The following NSD2 variants were observed in gnomAD, a reference collection of about 807,000 sequenced individuals.
NSD2 encodes nuclear receptor binding SET domain protein 2.
In NSD2, 12 loss-of-function variants were observed where a neutral mutation model predicts 139.0. That is an observed-to-expected ratio of 0.09 (90% CI 0.06 to 0.14). NSD2 has a LOEUF of 0.14. Among genes scored for constraint, NSD2 ranks in the 10% least tolerant of loss-of-function variants. The pLI, the probability that NSD2 is intolerant of heterozygous loss-of-function variation, is 1.00. For missense variants in NSD2, 1,155 were observed against 1,745.0 expected (o/e 0.66, Z 6.02); for synonymous variants, 669 against 648.7 (o/e 1.03, Z -0.48).
At chr4:1,888,971 C>T (rs1306922698) in intron 1 of NSD2, among the ~76,000 whole-genome samples, 2 of 150,170 alleles carry the variant, frequency 1.3e-5, no homozygotes, top group Non-Finnish European at 3.0e-5. Context: ...GATCTCGGCT[C>T]ACTTGAACCT....
Position 1,980,092 on chromosome 4 carries a change from G to C in NSD2, c.*1183G>C, listed in dbSNP as rs1485330535. ...GCCAGGGCACCTACTGAGAGGTGCG[G>C]TCCTGGGGGTGGAGGCCTGCCTGGC... On this transcript the variant is annotated 3_prime_UTR_variant, in exon 22 of 22. Transcript: ENST00000508803. The C allele has an allele frequency of 4.3e-6, 1 of 233,346 alleles. No individual in the cohort carries two copies. The highest frequency in any genetic ancestry group is 8.5e-6 in the Non-Finnish European group (1 of 118,182). 14.5% of individuals were successfully genotyped at this position (233,346 alleles called of 1,614,324 possible).
intron 1 of NSD2, among the ~76,000 whole-genome samples, chr4:1,895,659 G>A (rs1268253805): frequency 6.6e-6 from 1 of 152,182 alleles, no homozygotes; most frequent in Non-Finnish European, 1.5e-5. Flanking sequence ...CTGCTGGTGG[G>A]AGGCTGTGTT....
chr4:1,939,528 C>G (rs1376174007), intron 8 of NSD2, 126 bp from the exon 9 acceptor site: 1 of 997,550 alleles, frequency 1.0e-6, no homozygotes, highest in Admixed American at 2.4e-5. Flanking sequence ...GAAAGTTAAG[C>G]CAGAAGGACA....
At chr4:1,874,821 G>T (rs753165840) in intron 1 of NSD2, among the ~76,000 whole-genome samples, 4 of 152,162 alleles carry the variant, frequency 2.6e-5, no homozygotes, top group Non-Finnish European at 5.9e-5. Context: ...GGCTTTAGAG[G>T]ATTAGGCTTG....
intron 10 of NSD2, 200 bp from the exon 11 acceptor site, chr4:1,951,908 A>G: frequency 2.6e-6 from 2 of 782,072 alleles, no homozygotes; most frequent in East Asian, 2.9e-5. Flanking sequence ...TCTTTCTGTA[A>G]CAGTCATCTG....
chr4:1,954,772 T>G (rs1724629194), intron 12 of NSD2: 1 of 171,208 alleles, frequency 5.8e-6, no homozygotes, highest in African/African-American at 2.4e-5. Context: ...CTGTACTTCT[T>G]GACACCAGTG....
At chr4:1,924,250 G>C (rs578087260) in intron 5 of NSD2, among the ~76,000 whole-genome samples, 1 of 152,158 alleles carries the variant, frequency 6.6e-6, no homozygotes, top group Non-Finnish European at 1.5e-5. Flanking sequence ...GTTGGGGGAG[G>C]GTGCAGTGGC....
rs1717052572 is a variant in NSD2, at chr4:1,900,778, C to T, written c.124C>T (p.Arg42Cys). 4 of 1,613,974 alleles carry T rather than the reference C, an allele frequency of 2.5e-6. No individual in the cohort carries two copies. Among genetic ancestry groups the T allele is most frequent in the East Asian group, 2.2e-5 (1 of 44,884 alleles). Residue 42 changes from arginine to cysteine, a missense_variant, in exon 2 of 22, where the codon CGC (arginine) becomes TGC (cysteine). By Grantham distance (180) the Arg-to-Cys change is radical. Around this residue, in one of 8 missense-constraint regions of NSD2, gnomAD observed 246 missense variants for 262.8 expected, o/e 0.94. Transcript: ENST00000508803. The stretch of plus-strand genomic sequence containing the variant: ...GAAGACTCCGAGCTGCGAGGTGAAC[C>T]GCGAGTGTTCTGTGTTCCTCAGCAA... ...NGKTPSCEVN[R>C]ECSVFLSKAQ...
Position 1,948,425 on chromosome 4 carries a change from G to A in NSD2, c.1882-2647G>A. On this transcript the variant is annotated intron_variant, in intron 9 of 21. Coordinates refer to ENST00000508803, the MANE Select transcript of NSD2 (RefSeq NM_001042424.3). The surrounding 1 kb of genome is among the most constrained non-coding windows in gnomAD (Gnocchi z 4.5). ...TCACGTCACCTGGTGCGTGGAGGTG[G>A]AGCCTGCGGCTGGAGTAAGGCTTGC... 1 of 1,066,500 alleles carries A rather than the reference G, an allele frequency of 9.4e-7. No individual in the cohort carries two copies. Among genetic ancestry groups the A allele is most frequent in the Non-Finnish European group, 1.1e-6 (1 of 879,058 alleles). The allele number at this position is 1,066,500 out of a possible 1,614,324, so 66.1% of individuals were successfully genotyped here. A position where few individuals can be genotyped will look rare whatever the true frequency, so the allele number is the denominator to read the frequency against.
At chr4:1,957,839 T>C (rs1724987520) in intron 15 of NSD2, 94 bp from the exon 16 acceptor site, 1 of 1,181,596 alleles carries the variant, frequency 8.5e-7, no homozygotes, top group East Asian at 2.4e-5. Context: ...ATACTTAACA[T>C]TGAAAGTTTA....
Position 1,947,066 on chromosome 4 carries a change from C to G in NSD2, c.1882-4006C>G, listed in dbSNP as rs1024187897. On this transcript the variant is annotated intron_variant, in intron 9 of 21. Coordinates refer to ENST00000508803, the MANE Select transcript of NSD2 (RefSeq NM_001042424.3). Reference sequence around the variant, plus strand: ...TGATGGGGGTTTGCTCAGCACTGTGCCAGTGGAAGCAGGTGTATTGTGGGC... The same window carrying G: ...TGATGGGGGTTTGCTCAGCACTGTGGCAGTGGAAGCAGGTGTATTGTGGGC... The G allele has an allele frequency of 8.5e-6, 9 of 1,063,718 alleles. No individual in the cohort carries two copies. The African/African-American group carries it at 1.5e-4, about 17-fold the overall frequency. The allele number at this position is 1,063,718 out of a possible 1,614,324, so 65.9% of individuals were successfully genotyped here.
In NSD2 at chr4:1,955,329, T is replaced by C. The variant is rs1724695861; in HGVS notation, c.2507T>C (p.Val836Ala). 1 of 1,612,764 alleles carries C rather than the reference T, an allele frequency of 6.2e-7. No homozygotes were observed. Among genetic ancestry groups the C allele is most frequent in the African/African-American group, 1.3e-5 (1 of 74,910 alleles). ...HAHVNVSWCFVCSKGGSLLCC... is the reference protein window; with the variant it reads ...HAHVNVSWCFACSKGGSLLCC... ...CACGTCAACGTGAGCTGGTGCTTCG[T>C]GTGCTCCAAAGGTGAGGGGCCTGGG... Residue 836 changes from valine to alanine, a missense_variant, in exon 13 of 22, where the codon GTG (valine) becomes GCG (alanine). By Grantham distance (64) the Val-to-Ala change is moderately conservative. Around this residue, in one of 8 missense-constraint regions of NSD2, gnomAD observed 120 missense variants for 239.3 expected, o/e 0.50. Transcript: ENST00000508803. This position sits in a 1 kb window ranked among gnomAD's most constrained non-coding sequence, Gnocchi z 4.7.
At chr4:1,903,108 T>C (rs1320764026) in intron 2 of NSD2, among the ~76,000 whole-genome samples, 1 of 152,192 alleles carries the variant, frequency 6.6e-6, no homozygotes, top group Non-Finnish European at 1.5e-5. Flanking sequence ...AAATGTGTCA[T>C]GTGGCAGCTC....
In NSD2 at chr4:1,936,115, G is replaced by T. The variant is rs1239358590; in HGVS notation, c.1674+853G>T. Among the ~76,000 whole-genome samples, 7 of 152,322 alleles carry T rather than the reference G, an allele frequency of 4.6e-5. No individual in the cohort carries two copies. The South Asian group carries it at 1.2e-3, about 27-fold the overall frequency. ...GCAGCATAGATACAAAGCCAGCCCCGGGTCCTTGTGCTCCTCGCTTACTGC... is the reference window on the plus strand; with the variant it reads ...GCAGCATAGATACAAAGCCAGCCCCTGGTCCTTGTGCTCCTCGCTTACTGC... On this transcript the variant is annotated intron_variant, in intron 7 of 21. Coordinates refer to ENST00000508803, the MANE Select transcript of NSD2 (RefSeq NM_001042424.3).
chr4:1,908,626 C>T (rs1429987322), intron 3 of NSD2, among the ~76,000 whole-genome samples: 8 of 152,106 alleles, frequency 5.3e-5, no homozygotes, highest in Non-Finnish European at 8.8e-5. Context: ...GAGTGCTAGT[C>T]AGACCACATC....
intron 1 of NSD2, chr4:1,892,220 A>C (rs1470548766): frequency 3.9e-5 from 6 of 152,332 alleles, no homozygotes; most frequent in African/African-American, 1.2e-4. Flanking sequence ...TCCTGGGCTC[A>C]AGCGATCCTC....
intron 11 of NSD2, chr4:1,952,933 T>TA: frequency 4.9e-6 from 7 of 1,419,660 alleles, no homozygotes; most frequent in Non-Finnish European, 6.4e-6. Flanking sequence ...GCACCTCACT[T>TA]ATGGGAGTGT....
rs1727536366 is a variant in NSD2 at position 1,979,505 on chromosome 4, C to G, written c.*596C>G. On this transcript the variant is annotated 3_prime_UTR_variant, in exon 22 of 22. Coordinates refer to ENST00000508803, the MANE Select transcript of NSD2 (RefSeq NM_001042424.3). The stretch of plus-strand genomic sequence containing the variant: ...TTTCCATCCTAGTGAGAAGCTGGCC[C>G]TGCAGGTGGTGGCAGCAATGGTGTT... 1 of 233,098 alleles carries G rather than the reference C, an allele frequency of 4.3e-6. No homozygotes were observed. Among genetic ancestry groups the G allele is most frequent in the African/African-American group, 2.2e-5 (1 of 45,344 alleles). The allele number at this position is 233,098 out of a possible 1,614,324, so 14.4% of individuals were successfully genotyped here.
At chr4:1,880,536 G>A (rs1714623060) in intron 1 of NSD2, among the ~76,000 whole-genome samples, 1 of 151,860 alleles carries the variant, frequency 6.6e-6, no homozygotes, top group Non-Finnish European at 1.5e-5. Flanking sequence ...GGGTTTTATA[G>A]GCCTGTAATG....
Sources: gnomAD v4.1 joint callset for allele counts (sites outside exome capture counted in the v4.1 genomes callset) on GRCh38, gnomAD v4.1.1 for gene constraint, gnomAD v4.1.1 regional missense constraint, Gnocchi (gnomAD v3.1) non-coding constraint, MANE v1.5 for transcripts, NCBI Gene and HGNC (gene_info 2026-07-23, HGNC 2026-07-21) for gene names.